TATDN2: variants seen among roughly 807,000 people sequenced by gnomAD.
TATDN2 encodes the protein TatD DNase domain containing 2, also known as 3'-5' RNA nuclease TATDN2.
A neutral mutation model predicts 60.3 loss-of-function variants in TATDN2; 44 were observed. The observed-to-expected ratio is 0.73, with a 90% CI of 0.57 to 0.94. The LOEUF is 0.94. TATDN2 is among the 40% of genes least tolerant of loss of function. The pLI, the probability that TATDN2 is intolerant of heterozygous loss-of-function variation, is 0.00. For synonymous variants in TATDN2, 399 were observed against 355.8 expected (o/e 1.12, Z -1.37); for missense variants, 997 against 948.0 (o/e 1.05, Z -0.68).
intron 4 of TATDN2, among the ~76,000 whole-genome samples, chr3:10,275,112 A>G (rs543861605): frequency 1.3e-5 from 2 of 151,700 alleles, no homozygotes; most frequent in East Asian, 1.9e-4. Flanking sequence ...CAGCCACCCA[A>G]GTAGCTGGGA....
In TATDN2 at chr3:10,278,089, C is replaced by T. The variant is rs1698664585; in HGVS notation, c.1962-190C>T. Reference sequence around the variant, plus strand: ...GGTATCTCTGAGTGATCTCTGATCACTCACCAAGTGCCATCTCGGGGCTTC... The same window carrying T: ...GGTATCTCTGAGTGATCTCTGATCATTCACCAAGTGCCATCTCGGGGCTTC... On this transcript the variant is annotated intron_variant, in intron 5 of 7. Transcript: ENST00000448281. The surrounding 1 kb of genome is among the most constrained non-coding windows in gnomAD (Gnocchi z 4.7). Among the ~76,000 whole-genome samples, 1 of 152,118 alleles carries T rather than the reference C, an allele frequency of 6.6e-6. No individual in the cohort carries two copies. The highest frequency in any genetic ancestry group is 1.5e-5 in the Non-Finnish European group (1 of 68,016).
chr3:10,275,337 C>T (rs374421683), intron 4 of TATDN2, among the ~76,000 whole-genome samples: 2 of 152,134 alleles, frequency 1.3e-5, no homozygotes, highest in Non-Finnish European at 2.9e-5. Flanking sequence ...CAGGTCCTAA[C>T]TCTACTTTTT....
intron 2 of TATDN2, among the ~76,000 whole-genome samples, chr3:10,252,265 G>A (rs1487718468): frequency 6.6e-6 from 1 of 150,552 alleles, no homozygotes; most frequent in Non-Finnish European, 1.5e-5. Context: ...CTCCCAAAGC[G>A]CTGGGATTAG....
At chr3:10,273,023 C>A (rs1698589076) in intron 4 of TATDN2, among the ~76,000 whole-genome samples, 1 of 152,078 alleles carries the variant, frequency 6.6e-6, no homozygotes, top group Non-Finnish European at 1.5e-5. Flanking sequence ...GAGTGAGACC[C>A]TGTCTCAAGA....
At chr3:10,264,378 T>C (rs1698449337) in intron 3 of TATDN2, among the ~76,000 whole-genome samples, 1 of 152,242 alleles carries the variant, frequency 6.6e-6, no homozygotes, top group South Asian at 2.1e-4. Context: ...TGTAGTCTCT[T>C]GTTCTTCCTG....
At chr3:10,257,286 A>G (rs1017997574) in intron 2 of TATDN2, among the ~76,000 whole-genome samples, 2 of 145,586 alleles carry the variant, frequency 1.4e-5, no homozygotes, top group African/African-American at 2.6e-5. Flanking sequence ...TTTTGCCTCA[A>G]AAAAAAATTA....
At chr3:10,276,252 GT>G in intron 4 of TATDN2, 108 bp from the exon 5 acceptor site, 1 of 1,368,292 alleles carries the variant, frequency 7.3e-7, no homozygotes, top group Non-Finnish European at 9.9e-7. Context: ...ACATTATATA[GT>G]TAAAAAAAGA....
intron 2 of TATDN2, among the ~76,000 whole-genome samples, chr3:10,253,020 C>T (rs1326481234): frequency 6.6e-6 from 1 of 152,058 alleles, no homozygotes; most frequent in Admixed American, 6.6e-5. Flanking sequence ...CCATGTCCGG[C>T]TAATTTTTTT....
Position 10,270,272 on chromosome 3 carries a change from A to G in TATDN2, c.1090A>G (p.Thr364Ala), listed in dbSNP as rs755465555. The change falls in exon 4 of 8, where the codon ACC becomes GCC. Residue 364 changes from threonine (T) to alanine (A), a missense_variant. Coordinates refer to ENST00000448281, the MANE Select transcript of TATDN2 (RefSeq NM_014760.4). Reference sequence around the variant, plus strand: ...AGCCGTTCCGGAGCCTTCTTCCTTCACCACCGACTATGTCATGTACCCTCC... The same window carrying G: ...AGCCGTTCCGGAGCCTTCTTCCTTCGCCACCGACTATGTCATGTACCCTCC... ...PSAVPEPSSF[T>A]TDYVMYPPHL... The G allele has an allele frequency of 2.1e-5, 34 of 1,614,152 alleles. No individual in the cohort carries two copies. The highest frequency in any genetic ancestry group is 2.9e-5 in the Non-Finnish European group (34 of 1,180,032).
At position 10,270,438 on chromosome 3, in the gene TATDN2, A is replaced by G. The variant is rs960841538; in HGVS notation, c.1256A>G (p.Tyr419Cys). ...GKSSRSRMSD[Y>C]SPNSTGSVQN... The stretch of plus-strand genomic sequence containing the variant: ...AGCAGCCGGAGCCGCATGAGTGATT[A>G]TTCCCCCAACTCTACAGGGAGTGTC... The change falls in exon 4 of 8, where the codon TAT becomes TGT. Residue 419 changes from tyrosine to cysteine, a missense_variant. Physicochemically the swap from Tyr to Cys is radical, Grantham distance 194. Coordinates refer to ENST00000448281, the MANE Select transcript of TATDN2 (RefSeq NM_014760.4). The G allele has an allele frequency of 6.2e-7, 1 of 1,614,196 alleles. No individual in the cohort carries two copies. Among genetic ancestry groups the G allele is most frequent in the Non-Finnish European group, 8.5e-7 (1 of 1,180,024 alleles).
chr3:10,270,736 C>G lies in TATDN2; in HGVS notation c.1554C>G (p.Phe518Leu). The G allele has an allele frequency of 6.2e-7, 1 of 1,614,218 alleles. No individual in the cohort carries two copies. ...CTTTCCAAGGGACCTTTACAAAGTTCAGAAAAATTTACAGCAGCTCCTTCC... is the reference window on the plus strand; with the variant it reads ...CTTTCCAAGGGACCTTTACAAAGTTGAGAAAAATTTACAGCAGCTCCTTCC... ...KLSFQGTFTK[F>L]RKIYSSSFPK... The change falls in exon 4 of 8, where the codon TTC becomes TTG. Residue 518 changes from phenylalanine to leucine, a missense_variant. Phe to Leu is a conservative substitution (Grantham distance 22, BLOSUM62 0). Coordinates refer to ENST00000448281, the MANE Select transcript of TATDN2 (RefSeq NM_014760.4).
chr3:10,249,737 T>TTTCTA, intron 2 of TATDN2, 123 bp downstream of exon 2: 2 of 1,186,512 alleles, frequency 1.7e-6, no homozygotes, highest in Non-Finnish European at 2.2e-6. Context: ...TGGAAGGTCT[T>TTTCTA]TCTAGAAGTC....
intron 3 of TATDN2, among the ~76,000 whole-genome samples, chr3:10,264,138 TGAG>T (rs1365326197): frequency 6.6e-6 from 1 of 152,204 alleles, no homozygotes; most frequent in Non-Finnish European, 1.5e-5. Flanking sequence ...TCTCTGAGTA[TGAG>T]GAGGGAATCT....
chr3:10,265,373 G>A (rs1479143955), intron 3 of TATDN2, among the ~76,000 whole-genome samples: 5 of 47,302 alleles, frequency 1.1e-4, no homozygotes, highest in South Asian at 1.1e-3. Context: ...TACCACGCCC[G>A]GCCAGAACTT....
rs1322593744 is a variant in TATDN2, at chr3:10,276,453, G to A, written c.1926G>A (p.Met642Ile). 3.7e-6 allele frequency: 6 copies of A among 1,614,064 alleles called. No homozygotes were observed. The highest frequency in any genetic ancestry group is 2.2e-5 in the South Asian group (2 of 91,084). ...READEDLLEIMKKFVPPDYKI... is the reference protein window; with the variant it reads ...READEDLLEIIKKFVPPDYKI... ...CTGATGAAGATCTGCTAGAAATCAT[G>A]AAAAAGTTTGTGCCCCCTGACTACA... Residue 642 changes from methionine to isoleucine, a missense_variant, in exon 5 of 8, where the codon ATG becomes ATA. Met to Ile is a conservative substitution (Grantham distance 10). Transcript: ENST00000448281.
chr3:10,253,959 C>A (rs1424025273), intron 2 of TATDN2, among the ~76,000 whole-genome samples: 1 of 152,186 alleles, frequency 6.6e-6, no homozygotes, highest in Admixed American at 6.5e-5. Flanking sequence ...TCTGTTCTAG[C>A]CTGGCATCAG....
chr3:10,250,934 G>A (rs1427219460), intron 2 of TATDN2, among the ~76,000 whole-genome samples: 1 of 152,198 alleles, frequency 6.6e-6, no homozygotes, highest in Non-Finnish European at 1.5e-5. Context: ...AGTGAAACCT[G>A]TTACTGGGAG....
intron 4 of TATDN2, among the ~76,000 whole-genome samples, chr3:10,275,753 CAAAA>C (rs1698626563): frequency 1.9e-5 from 2 of 103,594 alleles, no homozygotes; most frequent in Non-Finnish European, 5.1e-5. Context: ...CTCAAAAAAA[CAAAA>C]CAAAACAAAA....
Position 10,278,213 on chromosome 3 carries a change from TG to T in TATDN2, c.1962-60del. On this transcript the variant is annotated intron_variant, in intron 5 of 7. Coordinates refer to ENST00000448281, the MANE Select transcript of TATDN2 (RefSeq NM_014760.4). The surrounding 1 kb of genome is among the most constrained non-coding windows in gnomAD (Gnocchi z 4.7). The stretch of plus-strand genomic sequence containing the variant: ...AATCATTGAAAAGGGGTGATGGGTG[TG>T]GGGGGAGCTGGGGGCTGCTGCAGAG... 1 of 1,530,570 alleles carries T rather than the reference TG, an allele frequency of 6.5e-7. No homozygotes were observed. The highest frequency in any genetic ancestry group is 1.2e-5 in the South Asian group (1 of 83,618). The allele number at this position is 1,530,570 out of a possible 1,614,324, so 94.8% of individuals were successfully genotyped here.
Sources: gnomAD v4.1 joint callset for allele counts (sites outside exome capture counted in the v4.1 genomes callset) on GRCh38, gnomAD v4.1.1 for gene constraint, Gnocchi (gnomAD v3.1) non-coding constraint, MANE v1.5 for transcripts, NCBI Gene and HGNC (gene_info 2026-07-23, HGNC 2026-07-21) for gene names.